Variants in HNRNPM observed in about 807,000 individuals in gnomAD.
The protein encoded by HNRNPM is heterogeneous nuclear ribonucleoprotein M.
Under a neutral mutation model 73.1 loss-of-function variants are expected in HNRNPM, and 11 were observed. The observed-to-expected ratio is 0.15, with a 90% CI of 0.09 to 0.25. The LOEUF (loss-of-function observed/expected upper bound fraction) is 0.25, where lower values mean the gene tolerates loss of function less well. Ranked by LOEUF, HNRNPM falls within the 10% of genes least tolerant of loss-of-function variation. The pLI, the probability that HNRNPM is intolerant of heterozygous loss-of-function variation, is 1.00. For missense variants in HNRNPM, 789 were observed against 1,067.9 expected (o/e 0.74, Z 3.64); for synonymous variants, 407 against 355.2 (o/e 1.15, Z -1.64).
intron 1 of HNRNPM, among the ~76,000 whole-genome samples, chr19:8,454,310 T>C (rs1968838723): frequency 6.6e-6 from 1 of 152,242 alleles, no homozygotes; most frequent in Non-Finnish European, 1.5e-5. Flanking sequence ...AGGTATTTAA[T>C]AAGTGGAATC....
intron 2 of HNRNPM, among the ~76,000 whole-genome samples, chr19:8,459,281 C>CA (rs2145643916): frequency 6.6e-6 from 1 of 152,314 alleles, no homozygotes; most frequent in African/African-American, 2.4e-5. Context: ...GGTTGAGCCC[C>CA]AGCAGTGCAG....
At chr19:8,457,258 G>A (rs573559465) in intron 2 of HNRNPM, among the ~76,000 whole-genome samples, 4 of 152,236 alleles carry the variant, frequency 2.6e-5, no homozygotes, top group East Asian at 3.9e-4. Context: ...TCAGTAATTC[G>A]GTTTGGGAAA....
At chr19:8,476,868 G>A (rs1398875895) in intron 12 of HNRNPM, among the ~76,000 whole-genome samples, 1 of 151,472 alleles carries the variant, frequency 6.6e-6, no homozygotes, top group African/African-American at 2.4e-5. Flanking sequence ...TGTCCCTGCC[G>A]CCGTCCCCCC....
At position 8,457,722 on chromosome 19, in the gene HNRNPM, G is replaced by A. The variant is rs557499878; in HGVS notation, c.283+2148G>A. On this transcript the variant is annotated intron_variant, in intron 2 of 15. Coordinates refer to ENST00000325495, the MANE Select transcript of HNRNPM (RefSeq NM_005968.5). ...TCTTAAGAAATACTCTTCTTATTAC[G>A]TGCTTTCAAAAAGACGTTTTTATTC... Among the ~76,000 whole-genome samples the A allele has an allele frequency of 9.2e-5, 14 of 152,224 alleles. No homozygotes were observed. In the East Asian group the frequency reaches 2.5e-3, roughly 27 times the overall value.
At chr19:8,470,490 T>A (rs556756938) in intron 9 of HNRNPM, among the ~76,000 whole-genome samples, 2 of 151,408 alleles carry the variant, frequency 1.3e-5, no homozygotes, top group East Asian at 3.9e-4. Context: ...CATGCCAGGC[T>A]AATTTTTTTT....
At chr19:8,483,314 C>A in intron 13 of HNRNPM, 103 bp downstream of exon 13, 1 of 860,906 alleles carries the variant, frequency 1.2e-6, no homozygotes, top group Non-Finnish European at 1.9e-6. Context: ...ACACAGACTG[C>A]CCGGGGTGGG....
intron 1 of HNRNPM, 47 bp downstream of exon 1, chr19:8,445,158 G>C: frequency 1.5e-6 from 2 of 1,329,704 alleles, no homozygotes; most frequent in Non-Finnish European, 1.9e-6. Flanking sequence ...TCCTCTCCGC[G>C]GCCGACGCGG....
chr19:8,471,104 T>G (rs1385697473), intron 9 of HNRNPM, among the ~76,000 whole-genome samples: 1 of 152,030 alleles, frequency 6.6e-6, no homozygotes, highest in Non-Finnish European at 1.5e-5. Flanking sequence ...CCGTGTTGGT[T>G]TTCAGCCGCC....
At chr19:8,469,215 G>A (rs1011300740) in intron 9 of HNRNPM, among the ~76,000 whole-genome samples, 8 of 152,194 alleles carry the variant, frequency 5.3e-5, no homozygotes, top group African/African-American at 1.7e-4. Flanking sequence ...AAATTCGCAC[G>A]CAGATGTTTG....
chr19:8,479,480 C>T (rs573055873), intron 12 of HNRNPM, among the ~76,000 whole-genome samples: 4 of 152,126 alleles, frequency 2.6e-5, no homozygotes, highest in Admixed American at 2.0e-4. Flanking sequence ...GGGCAAGATT[C>T]TTTTTTAATA....
chr19:8,487,349 C>T, intron 15 of HNRNPM: 1 of 414,732 alleles, frequency 2.4e-6, no homozygotes, highest in Non-Finnish European at 4.5e-6. Context: ...ATGAGTCAGG[C>T]AGAGTCTTCC....
chr19:8,450,112 A>G (rs780828724), intron 1 of HNRNPM, among the ~76,000 whole-genome samples: 1 of 152,174 alleles, frequency 6.6e-6, no homozygotes, highest in South Asian at 2.1e-4. Context: ...TGGTGCTGTG[A>G]ATAGTGCTCT....
intron 12 of HNRNPM, chr19:8,481,423 G>C (rs575803874): frequency 6.5e-6 from 1 of 152,756 alleles, no homozygotes; most frequent in South Asian, 2.1e-4. Flanking sequence ...TCTCTGTGAG[G>C]CAGGGGAGGA....
intron 2 of HNRNPM, among the ~76,000 whole-genome samples, chr19:8,460,467 A>T (rs1969323876): frequency 6.6e-6 from 1 of 152,186 alleles, no homozygotes; most frequent in Non-Finnish European, 1.5e-5. Flanking sequence ...ATACCACTTG[A>T]GGTAAAAAGA....
At chr19:8,445,893 C>T (rs1049131069) in intron 1 of HNRNPM, among the ~76,000 whole-genome samples, 2 of 152,242 alleles carry the variant, frequency 1.3e-5, no homozygotes, top group Non-Finnish European at 2.9e-5. Flanking sequence ...GGAAGCTGTT[C>T]TGTCAGGAGG....
In HNRNPM at chr19:8,458,749, A is replaced by G. The variant is rs76558300; in HGVS notation, c.283+3175A>G. 8.5e-3 allele frequency among the ~76,000 whole-genome samples: 1,292 copies of G among 152,318 alleles called. 6 individuals carry two copies. The highest frequency in any genetic ancestry group is 0.014 in the Non-Finnish European group (963 of 68,020). On this transcript the variant is annotated intron_variant, in intron 2 of 15. Transcript: ENST00000325495. ...AATACACCACTTTAAGTAAATTTCA[A>G]ATTGCATCTGACAGAAAACTAAGGC...
intron 7 of HNRNPM, 120 bp downstream of exon 7, chr19:8,466,508 G>C: frequency 9.9e-7 from 1 of 1,011,372 alleles, no homozygotes; most frequent in Non-Finnish European, 1.5e-6. Context: ...TGACTAGGGG[G>C]AGTGCATTAC....
intron 12 of HNRNPM, among the ~76,000 whole-genome samples, chr19:8,477,321 T>C (rs1226815574): frequency 2.0e-5 from 3 of 152,098 alleles, no homozygotes; most frequent in Admixed American, 6.6e-5. Context: ...AAGTGACCAC[T>C]GTGGTGGGCC....
chr19:8,454,673 G>C (rs78490673), intron 1 of HNRNPM, among the ~76,000 whole-genome samples: 11 of 102,980 alleles, frequency 1.1e-4, no homozygotes, highest in Admixed American at 1.2e-4. Context: ...ATCATTTTAT[G>C]CCCCCCCCCC....
Sources: gnomAD v4.1 joint callset for allele counts (sites outside exome capture counted in the v4.1 genomes callset) on GRCh38, gnomAD v4.1.1 for gene constraint, MANE v1.5 for transcripts, NCBI Gene and HGNC (gene_info 2026-07-23, HGNC 2026-07-21) for gene names.